VSTM4: variants seen among roughly 807,000 people sequenced by gnomAD.
VSTM4 encodes V-set and transmembrane domain-containing protein 4.
Under a neutral mutation model 36.4 loss-of-function variants are expected in VSTM4, and 20 were observed. The ratio of observed to expected loss-of-function variants is 0.55; its 90% CI spans 0.39 to 0.80. VSTM4 has a LOEUF of 0.80. Ranked by LOEUF, VSTM4 falls within the 30% of genes least tolerant of loss-of-function variation. The pLI is 0.00. For missense variants in VSTM4, 392 were observed against 404.5 expected (o/e 0.97, Z 0.26); for synonymous variants, 182 against 173.9 (o/e 1.05, Z -0.37).
chr10:49,046,667 T>G (rs1373948946), intron 7 of VSTM4, among the ~76,000 whole-genome samples: 1 of 152,210 alleles, frequency 6.6e-6, no homozygotes, highest in Non-Finnish European at 1.5e-5. Context: ...AGCAGTATCT[T>G]TGGAGTAATT....
chr10:49,096,775 C>T (rs917633798), intron 2 of VSTM4, among the ~76,000 whole-genome samples: 2 of 151,984 alleles, frequency 1.3e-5, no homozygotes, highest in African/African-American at 2.4e-5. Flanking sequence ...CTGCCTCAGC[C>T]TGCCGAGTAG....
chr10:49,096,180 A>G (rs1158105256), intron 2 of VSTM4, among the ~76,000 whole-genome samples: 1 of 152,278 alleles, frequency 6.6e-6, no homozygotes, highest in South Asian at 2.1e-4. Context: ...AAAAGGAATT[A>G]TTTCGTTAAT....
At chr10:49,026,215 C>T (rs1332727202) in intron 7 of VSTM4, among the ~76,000 whole-genome samples, 1 of 152,182 alleles carries the variant, frequency 6.6e-6, no homozygotes, top group Admixed American at 6.5e-5. Context: ...ACCGAGGAGC[C>T]TAGTGTCTGC....
At chr10:49,033,672 T>C (rs1843380791) in intron 7 of VSTM4, among the ~76,000 whole-genome samples, 1 of 152,220 alleles carries the variant, frequency 6.6e-6, no homozygotes, top group African/African-American at 2.4e-5. Context: ...AACAGGGATC[T>C]GTGGCCAAGT....
intron 7 of VSTM4, among the ~76,000 whole-genome samples, chr10:49,033,212 G>T (rs1030206670): frequency 1.3e-5 from 2 of 152,206 alleles, no homozygotes. Context: ...AGTCATTAAA[G>T]AATGAGGTAG....
At chr10:49,103,830 G>T (rs970679501) in intron 2 of VSTM4, 3 of 1,614,108 alleles carry the variant, frequency 1.9e-6, no homozygotes. Context: ...CCCAAGAAAA[G>T]CTCCCCTCTC....
chr10:49,093,185 AAAT>A (rs1844509428), intron 2 of VSTM4, among the ~76,000 whole-genome samples: 1 of 152,146 alleles, frequency 6.6e-6, no homozygotes, highest in African/African-American at 2.4e-5. Context: ...ATAGTCGGCA[AAAT>A]AAGAGAGCAC....
intron 5 of VSTM4, among the ~76,000 whole-genome samples, chr10:49,056,466 T>A (rs2131969347): frequency 6.6e-6 from 1 of 152,342 alleles, no homozygotes; most frequent in South Asian, 2.1e-4. Flanking sequence ...TCAGCTTCAG[T>A]CCATGCTGGA....
chr10:49,038,771 G>C (rs1194274401), intron 7 of VSTM4, among the ~76,000 whole-genome samples: 3 of 152,070 alleles, frequency 2.0e-5, no homozygotes, highest in Non-Finnish European at 4.4e-5. Flanking sequence ...ACAGTCAGAA[G>C]GGTTGTTCTG....
chr10:49,077,564 G>A (rs1844202160), intron 3 of VSTM4, among the ~76,000 whole-genome samples: 1 of 152,216 alleles, frequency 6.6e-6, no homozygotes, highest in Non-Finnish European at 1.5e-5. Context: ...ATTCAACGGC[G>A]GAAGGACAGT....
intron 3 of VSTM4, among the ~76,000 whole-genome samples, chr10:49,080,689 A>G (rs1283221612): frequency 5.9e-5 from 9 of 152,194 alleles, no homozygotes; most frequent in Non-Finnish European, 1.3e-4. Context: ...AGAGTTCTGG[A>G]AGCCCAGAAG....
At chr10:49,067,174 T>C (rs1843988285) in intron 4 of VSTM4, among the ~76,000 whole-genome samples, 1 of 151,954 alleles carries the variant, frequency 6.6e-6, no homozygotes, top group Non-Finnish European at 1.5e-5. Context: ...TTTACATTTA[T>C]GATGAAAAAG....
At chr10:49,083,723 T>C (rs1263718022) in intron 3 of VSTM4, among the ~76,000 whole-genome samples, 2 of 152,198 alleles carry the variant, frequency 1.3e-5, no homozygotes, top group East Asian at 3.9e-4. Context: ...TGAGATACTG[T>C]TAATTGCACA....
chr10:49,058,336 T>C (rs574140225), intron 5 of VSTM4, among the ~76,000 whole-genome samples: 21 of 152,270 alleles, frequency 1.4e-4, no homozygotes, highest in African/African-American at 4.8e-4. Flanking sequence ...TCTGGATCCA[T>C]TGGAGAGTCA....
chr10:49,108,138 C>T, intron 1 of VSTM4, 143 bp from the exon 2 acceptor site: 1 of 1,214,588 alleles, frequency 8.2e-7, no homozygotes, highest in Non-Finnish European at 1.1e-6. Context: ...CGGCCCCTCA[C>T]CTCTCCAGAG....
In VSTM4 at chr10:49,114,638, G is replaced by A. The variant is rs72785062; in HGVS notation, c.55+793C>T. 4.7e-3 allele frequency among the ~76,000 whole-genome samples: 713 copies of A among 151,098 alleles called. 2 individuals carry two copies. Among genetic ancestry groups the A allele is most frequent in the Non-Finnish European group, 8.0e-3 (541 of 67,894 alleles). On this transcript the variant is annotated intron_variant, in intron 1 of 7. Transcript: ENST00000332853. Reference sequence around the variant, plus strand: ...AAACGTGTTGTAGTCATTATTACTTGGAAGTGTTGTAATTAAATGAGATAG... The same window carrying A: ...AAACGTGTTGTAGTCATTATTACTTAGAAGTGTTGTAATTAAATGAGATAG...
At chr10:49,110,020 C>T (rs951177129) in intron 1 of VSTM4, among the ~76,000 whole-genome samples, 1 of 152,226 alleles carries the variant, frequency 6.6e-6, no homozygotes, top group Non-Finnish European at 1.5e-5. Flanking sequence ...AGCTGGGGGA[C>T]ACTGGCTGAC....
intron 3 of VSTM4, among the ~76,000 whole-genome samples, chr10:49,083,478 C>T (rs766248686): frequency 2.6e-5 from 4 of 152,310 alleles, no homozygotes; most frequent in African/African-American, 7.2e-5. Flanking sequence ...GCCAAAGCTA[C>T]GGCTGGGTTA....
intron 5 of VSTM4, among the ~76,000 whole-genome samples, chr10:49,055,041 G>C (rs896174076): frequency 2.0e-5 from 3 of 152,088 alleles, no homozygotes; most frequent in Non-Finnish European, 4.4e-5. Context: ...CCTCCTCCTG[G>C]GCACAAAGCT....
Sources: gnomAD v4.1 joint callset for allele counts (sites outside exome capture counted in the v4.1 genomes callset) on GRCh38, gnomAD v4.1.1 for gene constraint, MANE v1.5 for transcripts, NCBI Gene and HGNC (gene_info 2026-07-23, HGNC 2026-07-21) for gene names.